TMEM212: variants seen among roughly 807,000 people sequenced by gnomAD.
TMEM212 encodes the protein transmembrane protein 212.
TMEM212 carries 23 observed loss-of-function variants against 20.5 expected under a neutral mutation model. That is an observed-to-expected ratio of 1.12 (90% confidence interval 0.81 to 1.59). The LOEUF (loss-of-function observed/expected upper bound fraction) is 1.59, where lower values mean the gene tolerates loss of function less well. Among genes scored for constraint, TMEM212 ranks in the 40% most tolerant of loss-of-function variants. The pLI, the probability that TMEM212 is intolerant of heterozygous loss-of-function variation, is 0.00. For missense variants in TMEM212, 211 were observed against 215.0 expected (o/e 0.98, Z 0.12); for synonymous variants, 76 against 81.6 (o/e 0.93, Z 0.37).
chr3:171,858,388 G>C lies in TMEM212; in HGVS notation c.*331G>C, dbSNP rs1458304809. The C allele has an allele frequency of 2.0e-5, 3 of 152,058 alleles. No homozygotes were observed. The highest frequency in any genetic ancestry group is 2.9e-5 in the Non-Finnish European group (2 of 68,030). 9.4% of individuals were successfully genotyped at this position (152,058 alleles called of 1,614,324 possible). A position where few individuals can be genotyped will look rare whatever the true frequency, so the allele number is the denominator to read the frequency against. On this transcript the variant is annotated 3_prime_UTR_variant, in exon 5 of 5. Transcript: ENST00000334567. Reference sequence around the variant, plus strand: ...AGCCATATGTAGAAAGCTGAAACTGGATCCCTTCCTTACACCTTATATAAA... The same window carrying C: ...AGCCATATGTAGAAAGCTGAAACTGCATCCCTTCCTTACACCTTATATAAA...
chr3:171,854,238 T>C (rs975322188), intron 3 of TMEM212, among the ~76,000 whole-genome samples: 9 of 152,108 alleles, frequency 5.9e-5, no homozygotes, highest in Non-Finnish European at 1.2e-4. Flanking sequence ...AGAAGCAAAA[T>C]TGACTCTGTT....
Position 171,853,832 on chromosome 3 carries a change from C to A in TMEM212, c.525C>A (p.Ile175=), listed in dbSNP as rs1429128134. Residue 175 remains isoleucine (I), a synonymous_variant, in exon 3 of 5, where the codon ATC becomes ATA. Coordinates refer to ENST00000334567, the MANE Select transcript of TMEM212 (RefSeq NM_001164436.2). ...TCATCAAACTTTCTGCAAGACTTAT[C>A]CAGAATGGACACATAAACGTAAGTT... is the stretch of plus-strand genomic sequence containing the variant. ...TVFIKLSARL[I]QNGHINMQLP... 3.3e-6 allele frequency: 5 copies of A among 1,535,456 alleles called. No homozygotes were observed. The highest frequency in any genetic ancestry group is 1.2e-5 in the South Asian group (1 of 83,940).
chr3:171,848,609 G>GAATAGAATAGAATAGAATAGAATAGAA (rs199987799), intron 1 of TMEM212, among the ~76,000 whole-genome samples: 1 of 152,128 alleles, frequency 6.6e-6, no homozygotes, highest in Admixed American at 6.6e-5. Context: ...GAATAGAATA[G>GAATAGAATAGAATAGAATAGAATAGAA]AACAGAGGAG....
chr3:171,851,831 C>T (rs67067117), intron 1 of TMEM212, 151 bp from the exon 2 acceptor site: 135,946 of 658,792 alleles, frequency 0.21, 14,677 homozygotes, highest in Middle Eastern at 0.31. Flanking sequence ...TTTTTTTCCA[C>T]GGATGAGGAG....
At chr3:171,852,842 C>G (rs944896528) in intron 2 of TMEM212, among the ~76,000 whole-genome samples, 1 of 152,208 alleles carries the variant, frequency 6.6e-6, no homozygotes, top group African/African-American at 2.4e-5. Context: ...GCTTCTCAAA[C>G]TTTAATGTAC....
In TMEM212 at chr3:171,858,271, A is replaced by C. The variant is rs1725162176; in HGVS notation, c.*214A>C. 6.6e-6 allele frequency: 1 copy of C among 152,164 alleles called. No homozygotes were observed. The highest frequency in any genetic ancestry group is 1.5e-5 in the Non-Finnish European group (1 of 68,054). 9.4% of individuals were successfully genotyped at this position (152,164 alleles called of 1,614,324 possible). A position where few individuals can be genotyped will look rare whatever the true frequency, so the allele number is the denominator to read the frequency against. ...AGAGGCCTCAGAAATAACACCACAC[A>C]TATACAACCATCTGATCTTTGACAA... On this transcript the variant is annotated 3_prime_UTR_variant, in exon 5 of 5. Transcript: ENST00000334567.
intron 3 of TMEM212, among the ~76,000 whole-genome samples, chr3:171,854,966 A>T (rs980820191): frequency 1.1e-4 from 17 of 152,150 alleles, no homozygotes; most frequent in African/African-American, 1.7e-4. Flanking sequence ...GTAAAAAGAA[A>T]TTTTTTTTAA....
intron 4 of TMEM212, among the ~76,000 whole-genome samples, chr3:171,857,756 C>T (rs564057955): frequency 6.6e-6 from 1 of 152,226 alleles, no homozygotes; most frequent in African/African-American, 2.4e-5. Context: ...AGAAGACATA[C>T]AGGTGGCCAA....
At position 171,859,143 on chromosome 3, in the gene TMEM212, C is replaced by T. The variant is rs1005019235; in HGVS notation, c.*1086C>T. 1.3e-5 allele frequency: 2 copies of T among 151,980 alleles called. No individual in the cohort carries two copies. The highest frequency in any genetic ancestry group is 2.4e-5 in the African/African-American group (1 of 41,434). The allele number at this position is 151,980 out of a possible 1,614,324, so 9.4% of individuals were successfully genotyped here. A position where few individuals can be genotyped will look rare whatever the true frequency, so the allele number is the denominator to read the frequency against. On this transcript the variant is annotated 3_prime_UTR_variant, in exon 5 of 5. Transcript: ENST00000334567. Reference sequence around the variant, plus strand: ...GGGTGGGGAACATCACACACTGGGGCCTTTCAGTGGGTGGGAGGCTGGGGG... The same window carrying T: ...GGGTGGGGAACATCACACACTGGGGTCTTTCAGTGGGTGGGAGGCTGGGGG...
chr3:171,851,162 G>A (rs1330763607), intron 1 of TMEM212, among the ~76,000 whole-genome samples: 1 of 152,172 alleles, frequency 6.6e-6, no homozygotes, highest in East Asian at 1.9e-4. Flanking sequence ...CCTCAAAAGA[G>A]CCATTAACCA....
intron 1 of TMEM212, among the ~76,000 whole-genome samples, chr3:171,850,234 G>C (rs988999314): frequency 6.6e-6 from 1 of 152,158 alleles, no homozygotes; most frequent in African/African-American, 2.4e-5. Flanking sequence ...AACCTCTTGA[G>C]CTGCCTTTCA....
chr3:171,845,000 G>T (rs993179955), intron 1 of TMEM212, among the ~76,000 whole-genome samples: 1 of 152,050 alleles, frequency 6.6e-6, no homozygotes, highest in African/African-American at 2.4e-5. Flanking sequence ...AAACCACAGG[G>T]TTATCTTTCT....
At position 171,852,191 on chromosome 3, in the gene TMEM212, C is replaced by T. The variant is rs1578517660; in HGVS notation, c.219+150C>T. On this transcript the variant is annotated intron_variant, in intron 2 of 4. Coordinates refer to ENST00000334567, the MANE Select transcript of TMEM212 (RefSeq NM_001164436.2). Reference sequence around the variant, plus strand: ...TACTACAATGGATTTCAGAAATAAACTCTGTTTTAAAAGATTTTTTTTTTT... The same window carrying T: ...TACTACAATGGATTTCAGAAATAAATTCTGTTTTAAAAGATTTTTTTTTTT... 4 of 654,558 alleles carry T rather than the reference C, an allele frequency of 6.1e-6. No homozygotes were observed. In the East Asian group the frequency reaches 1.1e-4, roughly 19 times the overall value. 40.5% of individuals were successfully genotyped at this position (654,558 alleles called of 1,614,324 possible).
intron 1 of TMEM212, among the ~76,000 whole-genome samples, chr3:171,850,767 A>T (rs747941256): frequency 9.2e-5 from 14 of 152,100 alleles, no homozygotes; most frequent in African/African-American, 3.4e-4. Context: ...GTTTTTATCC[A>T]TGGGAGTTTT....
Position 171,849,852 on chromosome 3 carries a change from A to T in TMEM212, c.160-2130A>T, listed in dbSNP as rs114416979. Among the ~76,000 whole-genome samples the T allele has an allele frequency of 4.5e-3, 686 of 152,258 alleles. 6 individuals are homozygous for T. Among genetic ancestry groups the T allele is most frequent in the African/African-American group, 0.016 (656 of 41,556 alleles). On this transcript the variant is annotated intron_variant, in intron 1 of 4. Coordinates refer to ENST00000334567, the MANE Select transcript of TMEM212 (RefSeq NM_001164436.2). ...TGCAAAACCCAGCTGATATCCCTGG[A>T]AGCGCCCAGAAAGCAAGGCAGCAGC... is the stretch of plus-strand genomic sequence containing the variant.
At position 171,853,538 on chromosome 3, in the gene TMEM212, T is replaced by C. The variant is rs1725037393; in HGVS notation, c.231T>C (p.Thr77=). The change falls in exon 3 of 5, where the codon ACT becomes ACC. Residue 77 remains threonine, a synonymous_variant. Transcript: ENST00000334567. ...TGCTTTATTTTCAGGGGGAAGCTAC[T>C]TTCACCTTTGTGATTCTGAGCATTA... is the stretch of plus-strand genomic sequence containing the variant. ...EWTQRYLGEA[T]FTFVILSIMG... 6.5e-7 allele frequency: 1 copy of C among 1,535,904 alleles called. No homozygotes were observed. The highest frequency in any genetic ancestry group is 1.4e-5 in the African/African-American group (1 of 72,978).
intron 3 of TMEM212, among the ~76,000 whole-genome samples, chr3:171,856,192 C>T (rs966971589): frequency 3.3e-5 from 5 of 152,156 alleles, no homozygotes; most frequent in African/African-American, 1.2e-4. Flanking sequence ...AAAATCTTTA[C>T]TATAGTGAAT....
intron 1 of TMEM212, among the ~76,000 whole-genome samples, 187 bp downstream of exon 1, chr3:171,843,729 A>G (rs1364791645): frequency 6.6e-6 from 1 of 152,158 alleles, no homozygotes; most frequent in African/African-American, 2.4e-5. Flanking sequence ...AATGATCTTA[A>G]TATTGTTTTA....
At position 171,843,650 on chromosome 3, in the gene TMEM212, C is replaced by G. The variant is rs1724764656; in HGVS notation, c.159+108C>G. 3.3e-6 allele frequency: 3 copies of G among 920,318 alleles called. No individual in the cohort carries two copies. The East Asian group carries it at 8.6e-5, about 26-fold the overall frequency. 57.0% of individuals were successfully genotyped at this position (920,318 alleles called of 1,614,324 possible). On this transcript the variant is annotated intron_variant, in intron 1 of 4. Transcript: ENST00000334567. ...AATTGTTCTAACAATACAAAGAAGT[C>G]AAAATTCCACAAAAAATCAGAATCC...
Sources: allele counts gnomAD v4.1 joint callset (sites outside exome capture counted in the v4.1 genomes callset), GRCh38; gene constraint gnomAD v4.1.1; transcripts MANE v1.5; gene names NCBI Gene and HGNC (gene_info 2026-07-23, HGNC 2026-07-21).